The following CLCN1 variants were observed in gnomAD, a reference collection of about 807,000 sequenced individuals.
CLCN1 encodes chloride channel protein 1.
In CLCN1, 100 loss-of-function variants were observed where a neutral mutation model predicts 114.5. The ratio of observed to expected loss-of-function variants is 0.87; its 90% CI spans 0.74 to 1.03. The LOEUF (loss-of-function observed/expected upper bound fraction) is 1.03. CLCN1 is among the 50% of genes least tolerant of loss of function. CLCN1 has a pLI of 0.00. For missense variants in CLCN1, 1,188 were observed against 1,250.0 expected (o/e 0.95, Z 0.75); for synonymous variants, 485 against 487.1 (o/e 1.00, Z 0.06).
chr7:143,345,832 G>C, intron 17 of CLCN1, 70 bp downstream of exon 17: 1 of 1,558,730 alleles, frequency 6.4e-7, no homozygotes, highest in South Asian at 1.2e-5. Context: ...GTCTGGGCTG[G>C]GCTGGGCTGG....
intron 12 of CLCN1, among the ~76,000 whole-genome samples, chr7:143,334,420 A>C (rs1256893114): frequency 6.6e-6 from 1 of 152,174 alleles, no homozygotes; most frequent in South Asian, 2.1e-4. Flanking sequence ...ATGTTTTCCC[A>C]GGATATGAGT....
intron 12 of CLCN1, among the ~76,000 whole-genome samples, chr7:143,338,786 C>T (rs367901812): frequency 5.3e-4 from 76 of 144,688 alleles, no homozygotes; most frequent in African/African-American, 2.0e-3. Flanking sequence ...AGAGAGAGAC[C>T]CTGTCTCAAA....
chr7:143,321,462 C>T lies in CLCN1; in HGVS notation c.531C>T (p.Leu177=), dbSNP rs375897422. The part of the protein sequence containing the change: ...FPLVLILFSA[L]FCHLISPQAV... ...TAGTCCTCATCCTCTTCAGCGCCCT[C>T]TTCTGCCACCTCATCTCTCCCCAGG... Residue 177 remains leucine (L), a synonymous_variant, in exon 4 of 23, where the codon CTC becomes CTT. Transcript: ENST00000343257. This position sits in a 1 kb window ranked among gnomAD's most constrained non-coding sequence, Gnocchi z 4.2. 7 of 1,614,094 alleles carry T rather than the reference C, an allele frequency of 4.3e-6. No individual in the cohort carries two copies. The highest frequency in any genetic ancestry group is 5.1e-6 in the Non-Finnish European group (6 of 1,180,050).
chr7:143,339,748 A>G lies in CLCN1; in HGVS notation c.1582+127A>G, dbSNP rs1044925980. The G allele has an allele frequency of 7.0e-6, 5 of 715,418 alleles. No individual in the cohort carries two copies. Among genetic ancestry groups the G allele is most frequent in the Middle Eastern group, 3.5e-4 (1 of 2,886 alleles). 44.3% of individuals were successfully genotyped at this position (715,418 alleles called of 1,614,324 possible). ...TTTTAATTTAGTGCTACTTAACTCA[A>G]CTTTTACTCAGATAACATACCCATG... On this transcript the variant is annotated intron_variant, in intron 14 of 22. Transcript: ENST00000343257. The surrounding 1 kb of genome is among the most constrained non-coding windows in gnomAD (Gnocchi z 4.1).
chr7:143,341,661 G>C (rs1421561196), intron 14 of CLCN1, among the ~76,000 whole-genome samples: 1 of 151,974 alleles, frequency 6.6e-6, no homozygotes, highest in Admixed American at 6.6e-5. Flanking sequence ...GCAAGGAATG[G>C]ATAGGACATC....
intron 16 of CLCN1, among the ~76,000 whole-genome samples, chr7:143,342,858 G>A (rs566408828): frequency 1.3e-4 from 19 of 151,926 alleles, no homozygotes; most frequent in Middle Eastern, 6.8e-3. Context: ...ATTAGAACCC[G>A]GGAGACGGAG....
Position 143,324,306 on chromosome 7 carries a change from G to T in CLCN1, c.775-108G>T. The T allele has an allele frequency of 3.6e-6, 3 of 821,976 alleles. No individual in the cohort carries two copies. The South Asian group carries it at 4.1e-5, about 11-fold the overall frequency. 50.9% of individuals were successfully genotyped at this position (821,976 alleles called of 1,614,324 possible). On this transcript the variant is annotated intron_variant, in intron 6 of 22. Transcript: ENST00000343257. The surrounding 1 kb of genome is among the most constrained non-coding windows in gnomAD (Gnocchi z 4.6). ...ACATGGGACCACAAGGACTCCTTTTGACTTAGGCCTCTCATTCTGCCTTAT... is the reference window on the plus strand; with the variant it reads ...ACATGGGACCACAAGGACTCCTTTTTACTTAGGCCTCTCATTCTGCCTTAT...
At chr7:143,346,697 G>T (rs1803259647) in intron 19 of CLCN1, 39 bp downstream of exon 19, 1 of 1,540,488 alleles carries the variant, frequency 6.5e-7, no homozygotes, top group Non-Finnish European at 9.0e-7. Flanking sequence ...GGGAAAGGGA[G>T]CCTGCCCTTG....
chr7:143,331,226 C>T lies in CLCN1; in HGVS notation c.980-6C>T. 1 of 1,603,972 alleles carries T rather than the reference C, an allele frequency of 6.2e-7. No individual in the cohort carries two copies. The highest frequency in any genetic ancestry group is 8.5e-7 in the Non-Finnish European group (1 of 1,170,744). On this transcript the variant is annotated splice_region_variant and splice_polypyrimidine_tract_variant and intron_variant, in intron 8 of 22. Transcript: ENST00000343257. ...CCATCGTAATACTGGCCTTTCCATCCTACAGTCACCATCACTGCTCTGTTC... is the reference window on the plus strand; with the variant it reads ...CCATCGTAATACTGGCCTTTCCATCTTACAGTCACCATCACTGCTCTGTTC...
rs1192056840 is a variant in CLCN1, at chr7:143,342,143, G to A, written c.1796+1G>A. ...CTGACCTTGGCTGGAACCAGCTCAGGTCAGGGGCACTAGACGGAATTAGTT... is the reference window on the plus strand; with the variant it reads ...CTGACCTTGGCTGGAACCAGCTCAGATCAGGGGCACTAGACGGAATTAGTT... On this transcript the variant is annotated splice_donor_variant, in intron 15 of 22. Transcript: ENST00000343257. LOFTEE classifies it high-confidence loss of function. 6.2e-7 allele frequency: 1 copy of A among 1,613,652 alleles called. No individual in the cohort carries two copies. Among genetic ancestry groups the A allele is most frequent in the Admixed American group, 1.7e-5 (1 of 60,006 alleles).
intron 17 of CLCN1, 137 bp downstream of exon 17, chr7:143,345,899 T>A: frequency 7.8e-7 from 1 of 1,284,640 alleles, no homozygotes; most frequent in Non-Finnish European, 1.1e-6. Flanking sequence ...GAGAGTCTGG[T>A]AACTGAGAAA....
At chr7:143,341,026 C>T (rs1880650) in intron 14 of CLCN1, among the ~76,000 whole-genome samples, 1 of 152,092 alleles carries the variant, frequency 6.6e-6, no homozygotes, top group African/African-American at 2.4e-5. Flanking sequence ...GATCTACAAG[C>T]GCCTTAGAAA....
At chr7:143,327,393 G>A (rs573628949) in intron 7 of CLCN1, among the ~76,000 whole-genome samples, 36 of 152,204 alleles carry the variant, frequency 2.4e-4, no homozygotes, top group African/African-American at 8.2e-4. Flanking sequence ...ACCTGACTTC[G>A]GGAAATACTG....
At chr7:143,343,072 G>T (rs1803131868) in intron 16 of CLCN1, among the ~76,000 whole-genome samples, 1 of 152,158 alleles carries the variant, frequency 6.6e-6, no homozygotes, top group Admixed American at 6.5e-5. Flanking sequence ...TGAGTCTCTG[G>T]TCACATTTCC....
chr7:143,323,576 G>C, intron 6 of CLCN1, 190 bp downstream of exon 6: 1 of 700,676 alleles, frequency 1.4e-6, no homozygotes, highest in Non-Finnish European at 2.7e-6. Context: ...TGTTTAGCCT[G>C]TGCCTGTCCT....
intron 16 of CLCN1, among the ~76,000 whole-genome samples, chr7:143,342,931 TA>T (rs201619687): frequency 2.7e-3 from 396 of 145,518 alleles, no homozygotes; most frequent in African/African-American, 4.8e-3. Flanking sequence ...GAAACTCTGT[TA>T]AAAAAAAAAA....
chr7:143,332,387 A>C (rs763150901), intron 10 of CLCN1, 32 bp from the exon 11 acceptor site: 1 of 1,558,272 alleles, frequency 6.4e-7, no homozygotes, highest in South Asian at 1.1e-5. Flanking sequence ...GAGTTGGCTG[A>C]ATTGTGGCGG....
Position 143,350,745 on chromosome 7 carries a change from C to A in CLCN1, c.2595+91C>A. On this transcript the variant is annotated intron_variant, in intron 22 of 22. Transcript: ENST00000343257. The surrounding 1 kb of genome is among the most constrained non-coding windows in gnomAD (Gnocchi z 5.1). The stretch of plus-strand genomic sequence containing the variant: ...GGGGACAGAAGGAATATTAGCATCT[C>A]AGAAGTCCCCTCAGATTCCCTTCTC... 1.1e-6 allele frequency: 1 copy of A among 878,820 alleles called. No individual in the cohort carries two copies. Among genetic ancestry groups the A allele is most frequent in the Non-Finnish European group, 1.9e-6 (1 of 532,406 alleles). 54.4% of individuals were successfully genotyped at this position (878,820 alleles called of 1,614,324 possible).
intron 12 of CLCN1, 125 bp downstream of exon 12, chr7:143,332,998 AT>A: frequency 8.8e-7 from 1 of 1,135,152 alleles, no homozygotes; most frequent in Non-Finnish European, 1.3e-6. Flanking sequence ...AAAATAAGTC[AT>A]TTGAAAACCA....
Sources: gnomAD v4.1 joint callset for allele counts (sites outside exome capture counted in the v4.1 genomes callset) on GRCh38, gnomAD v4.1.1 for gene constraint, Gnocchi (gnomAD v3.1) non-coding constraint, MANE v1.5 for transcripts, NCBI Gene and HGNC (gene_info 2026-07-23, HGNC 2026-07-21) for gene names.